The following SUN1 variants were observed in gnomAD, a reference collection of about 807,000 sequenced individuals.
SUN1 encodes SUN domain-containing protein 1.
In SUN1, 61 loss-of-function variants were observed where a neutral mutation model predicts 103.2. That is an observed-to-expected ratio of 0.59 (90% CI 0.48 to 0.73). The LOEUF (loss-of-function observed/expected upper bound fraction) is 0.73. SUN1 is among the 30% of genes least tolerant of loss of function. The probability of loss-of-function intolerance (pLI) is 0.00; values close to 1 mark genes in which losing one functional copy is unlikely to be tolerated. For synonymous variants in SUN1, 490 were observed against 425.7 expected (o/e 1.15, Z -1.86); for missense variants, 1,052 against 1,034.6 (o/e 1.02, Z -0.23).
intron 1 of SUN1, among the ~76,000 whole-genome samples, chr7:824,220 G>A (rs1344563356): frequency 6.6e-6 from 1 of 152,190 alleles, no homozygotes; most frequent in African/African-American, 2.4e-5. Context: ...AATACCCCTG[G>A]CTGAGAAACA....
intron 1 of SUN1, among the ~76,000 whole-genome samples, chr7:836,551 T>C (rs919808964): frequency 2.6e-5 from 4 of 152,038 alleles, no homozygotes; most frequent in African/African-American, 9.7e-5. Context: ...ATGGAAGAGC[T>C]CATGTTCTGG....
At position 857,893 on chromosome 7, in the gene SUN1, C is replaced by A; in HGVS notation, c.1460C>A (p.Ser487Ter). ...CAGCTGGAGCTGGATCAGCTAAAGT[C>A]AGAGCTGTCCAGCTGGCGACACGTG... The part of the protein sequence containing the change: ...HLQLELDQLK[S>*]ELSSWRHVKT... The change falls in exon 13 of 19, where the codon TCA (serine) becomes TAA (stop). Residue 487 changes from serine (S) to a stop codon, truncating the protein, a stop_gained. Transcript: ENST00000401592. LOFTEE classifies it high-confidence loss of function. 6.2e-7 allele frequency: 1 copy of A among 1,603,828 alleles called. No individual in the cohort carries two copies. Among genetic ancestry groups the A allele is most frequent in the South Asian group, 1.1e-5 (1 of 90,686 alleles).
intron 1 of SUN1, among the ~76,000 whole-genome samples, chr7:826,434 G>A (rs989126001): frequency 6.6e-6 from 1 of 152,290 alleles, no homozygotes; most frequent in South Asian, 2.1e-4. Flanking sequence ...AGGATCTGGC[G>A]AAACATCGCT....
chr7:866,240 A>G (rs986135732), intron 16 of SUN1, among the ~76,000 whole-genome samples, 173 bp downstream of exon 16: 2 of 152,176 alleles, frequency 1.3e-5, no homozygotes, highest in Non-Finnish European at 2.9e-5. Flanking sequence ...GTCCCCGTGT[A>G]GCCTCCACGC....
At chr7:855,685 G>C (rs1357608899) in intron 11 of SUN1, among the ~76,000 whole-genome samples, 1 of 152,250 alleles carries the variant, frequency 6.6e-6, no homozygotes, top group African/African-American at 2.4e-5. Context: ...CTGGGAGGGA[G>C]AGGTGGGCTG....
At chr7:854,785 T>G in intron 10 of SUN1, 135 bp from the exon 11 acceptor site, 2 of 614,228 alleles carry the variant, frequency 3.3e-6, no homozygotes, top group Non-Finnish European at 5.8e-6. Context: ...GGATTATTCC[T>G]TTAGGGTCCG....
In SUN1 at chr7:874,275, C is replaced by T. The variant is rs1470546296; in HGVS notation, c.*944C>T. ...TTCCTTCAGCAGCATTTCTTACTGG[C>T]TGTGGCTGGAATCTGCCTTTTATCA... is the stretch of plus-strand genomic sequence containing the variant. On this transcript the variant is annotated 3_prime_UTR_variant, in exon 19 of 19. Transcript: ENST00000401592. 1.3e-5 allele frequency: 2 copies of T among 152,640 alleles called. No homozygotes were observed. The highest frequency in any genetic ancestry group is 4.8e-5 in the African/African-American group (2 of 41,458). 9.5% of individuals were successfully genotyped at this position (152,640 alleles called of 1,614,324 possible). A position where few individuals can be genotyped will look rare whatever the true frequency, so the allele number is the denominator to read the frequency against.
chr7:817,421 A>G (rs1441062636), intron 1 of SUN1: 1 of 1,535,918 alleles, frequency 6.5e-7, no homozygotes, highest in Non-Finnish European at 8.7e-7. Flanking sequence ...GTGCAAAATA[A>G]GCAGCGGCGG....
upstream of SUN1, among the ~76,000 whole-genome samples, chr7:830,135 A>G (rs2128212209): frequency 6.6e-6 from 1 of 152,296 alleles, no homozygotes; most frequent in South Asian, 2.1e-4. Flanking sequence ...ATGAGACTGC[A>G]GGGTGGGGAG....
rs1275509881 is a variant in SUN1, at chr7:853,492, T to C, written c.1137T>C (p.His379=). 10 of 1,614,010 alleles carry C rather than the reference T, an allele frequency of 6.2e-6. No homozygotes were observed. Among genetic ancestry groups the C allele is most frequent in the South Asian group, 1.1e-5 (1 of 91,084 alleles). ...CTCTGTCTGGACAGTGCCACCACCA[T>C]GGTGAGAATCTCCGAGAGCTGACCA... is the stretch of plus-strand genomic sequence containing the variant. The part of the protein sequence containing the change: ...VASLSGQCHH[H]GENLRELTTL... The change falls in exon 10 of 19, where the codon CAT becomes CAC. Residue 379 remains histidine (H), a synonymous_variant. Transcript: ENST00000401592.
At chr7:871,847 A>C (rs1354874171) in intron 17 of SUN1, among the ~76,000 whole-genome samples, 1 of 152,226 alleles carries the variant, frequency 6.6e-6, no homozygotes, top group East Asian at 1.9e-4. Flanking sequence ...TCTGACTCGG[A>C]TAAAAGATAA....
At chr7:845,289 C>G (rs1451309397) in intron 5 of SUN1, among the ~76,000 whole-genome samples, 2 of 152,088 alleles carry the variant, frequency 1.3e-5, no homozygotes, top group Non-Finnish European at 2.9e-5. Context: ...TGGCGCCTCC[C>G]CTCGGACGTC....
intron 1 of SUN1, among the ~76,000 whole-genome samples, chr7:835,173 G>C (rs1371474882): frequency 2.0e-5 from 3 of 152,228 alleles, no homozygotes; most frequent in East Asian, 1.9e-4. Context: ...CACTGGCTTC[G>C]CCAGTGATGC....
In SUN1 at chr7:860,184, C is replaced by T. The variant is rs754734588; in HGVS notation, c.1581C>T (p.Gly527=). 45 of 1,614,100 alleles carry T rather than the reference C, an allele frequency of 2.8e-5. No individual in the cohort carries two copies. Among genetic ancestry groups the T allele is most frequent in the South Asian group, 1.4e-4 (13 of 91,084 alleles). The part of the protein sequence containing the change: ...VKLLFSEDQQ[G]GSLEQLLQRF... ...TCCTGTTTTCCGAAGATCAGCAAGG[C>T]GGTTCTCTGGAACAGCTGCTGCAGA... Residue 527 remains glycine (G), a synonymous_variant, in exon 14 of 19, where the codon GGC becomes GGT. Transcript: ENST00000401592.
intron 10 of SUN1, 54 bp from the exon 11 acceptor site, chr7:854,866 G>A (rs1459255074): frequency 7.0e-7 from 1 of 1,418,882 alleles, no homozygotes; most frequent in South Asian, 1.2e-5. Context: ...TGATTTGCCA[G>A]GTTTTTGTTG....
At position 874,606 on chromosome 7, in the gene SUN1, T is replaced by C. The variant is rs917863960; in HGVS notation, c.*1275T>C. On this transcript the variant is annotated 3_prime_UTR_variant, in exon 19 of 19. Coordinates refer to ENST00000401592, the MANE Select transcript of SUN1 (RefSeq NM_001130965.3). ...CTATTCATACATCAAGCAGCATTTT[T>C]TTCACTCTCCTTAGAATTGGAACTA... is the stretch of plus-strand genomic sequence containing the variant. 2 of 152,372 alleles carry C rather than the reference T, an allele frequency of 1.3e-5. No individual in the cohort carries two copies. Among genetic ancestry groups the C allele is most frequent in the Admixed American group, 6.5e-5 (1 of 15,288 alleles). The allele number at this position is 152,372 out of a possible 1,614,324, so 9.4% of individuals were successfully genotyped here.
At chr7:845,243 G>A (rs919096066) in intron 5 of SUN1, among the ~76,000 whole-genome samples, 3 of 152,312 alleles carry the variant, frequency 2.0e-5, no homozygotes, top group East Asian at 3.9e-4. Flanking sequence ...TGGAAAAGGC[G>A]TTGGTGTGGT....
intron 5 of SUN1, chr7:849,721 T>C (rs12669325): frequency 0.12 from 148,438 of 1,211,936 alleles, 10,328 homozygotes; most frequent in South Asian, 0.21. Flanking sequence ...TCCTCACTGA[T>C]GACGACGGGC....
chr7:820,291 TC>T (rs1784778009), intron 1 of SUN1, among the ~76,000 whole-genome samples: 1 of 152,234 alleles, frequency 6.6e-6, no homozygotes, highest in African/African-American at 2.4e-5. Context: ...GTGGTGCACT[TC>T]CTTGGTTAAA....
Sources: allele counts gnomAD v4.1 joint callset (sites outside exome capture counted in the v4.1 genomes callset), GRCh38; gene constraint gnomAD v4.1.1; transcripts MANE v1.5; gene names NCBI Gene and HGNC (gene_info 2026-07-23, HGNC 2026-07-21).